Variants in CHSY3 observed in about 807,000 individuals in gnomAD.
CHSY3 encodes the protein chondroitin sulfate synthase 3.
A neutral mutation model predicts 67.2 loss-of-function variants in CHSY3; 35 were observed. That is an observed-to-expected ratio of 0.52 (90% CI 0.40 to 0.69). The LOEUF (loss-of-function observed/expected upper bound fraction) is 0.69, where lower values mean the gene tolerates loss of function less well. Among genes scored for constraint, CHSY3 ranks in the 30% least tolerant of loss-of-function variants. The pLI is 0.00. For missense variants in CHSY3, 1,069 were observed against 1,138.5 expected (o/e 0.94, Z 0.88); for synonymous variants, 474 against 434.7 (o/e 1.09, Z -1.12).
chr5:130,159,740 A>G (rs1769475808), intron 2 of CHSY3, among the ~76,000 whole-genome samples: 2 of 152,194 alleles, frequency 1.3e-5, no homozygotes, highest in Non-Finnish European at 2.9e-5. Flanking sequence ...GACTAGAGGT[A>G]TGATTGGTGA....
chr5:130,003,485 G>T (rs1207636835), intron 2 of CHSY3, among the ~76,000 whole-genome samples: 1 of 152,050 alleles, frequency 6.6e-6, no homozygotes, highest in Non-Finnish European at 1.5e-5. Context: ...CTCAAGTTAG[G>T]CTCAGTGAAA....
At chr5:129,995,030 T>C (rs1763493940) in intron 2 of CHSY3, among the ~76,000 whole-genome samples, 1 of 152,106 alleles carries the variant, frequency 6.6e-6, no homozygotes. Flanking sequence ...ACATGTAACC[T>C]AAAACTTAAA....
intron 2 of CHSY3, among the ~76,000 whole-genome samples, chr5:130,012,046 A>G (rs1764078368): frequency 6.6e-6 from 1 of 152,248 alleles, no homozygotes; most frequent in Non-Finnish European, 1.5e-5. Context: ...TAAAGTTTCA[A>G]TGCTCTTTGT....
At chr5:129,990,377 AGTGTGT>A (rs34958818) in intron 2 of CHSY3, among the ~76,000 whole-genome samples, 12 of 147,576 alleles carry the variant, frequency 8.1e-5, no homozygotes, top group Non-Finnish European at 1.2e-4. Flanking sequence ...TGAGTGAGTG[AGTGTGT>A]GTGTGTGTGT....
intron 2 of CHSY3, among the ~76,000 whole-genome samples, chr5:130,119,642 T>C (rs1767940948): frequency 6.6e-6 from 1 of 152,108 alleles, no homozygotes. Context: ...GCTTATATTC[T>C]TGACTCAGCA....
At chr5:130,026,602 C>A (rs1351333059) in intron 2 of CHSY3, among the ~76,000 whole-genome samples, 1 of 152,028 alleles carries the variant, frequency 6.6e-6, no homozygotes, top group African/African-American at 2.4e-5. Flanking sequence ...ATAAGAAAAT[C>A]ATGCTTACTT....
Position 130,185,693 on chromosome 5 carries a change from T to C in CHSY3, c.2551T>C (p.Leu851=), listed in dbSNP as rs990591299. 6.2e-7 allele frequency: 1 copy of C among 1,613,964 alleles called. No individual in the cohort carries two copies. Among genetic ancestry groups the C allele is most frequent in the Non-Finnish European group, 8.5e-7 (1 of 1,179,918 alleles). The change falls in exon 3 of 3, where the codon TTA becomes CTA. Residue 851 remains leucine, a synonymous_variant. Coordinates refer to ENST00000305031, the MANE Select transcript of CHSY3 (RefSeq NM_175856.5). The part of the protein sequence containing the change: ...NLDPKQYKMC[L]GSKASTFAST... ...GGACCCTAAGCAGTATAAGATGTGC[T>C]TAGGATCCAAGGCAAGTACTTTCGC...
At chr5:130,175,475 T>A (rs1211634723) in intron 2 of CHSY3, among the ~76,000 whole-genome samples, 3 of 152,064 alleles carry the variant, frequency 2.0e-5, no homozygotes, top group African/African-American at 7.2e-5. Context: ...CAAGCTACCA[T>A]TGACTTTCTT....
At chr5:130,177,998 T>C (rs1457650314) in intron 2 of CHSY3, among the ~76,000 whole-genome samples, 1 of 151,378 alleles carries the variant, frequency 6.6e-6, no homozygotes, top group Non-Finnish European at 1.5e-5. Context: ...TTTCCAACTC[T>C]TCTTTTGCAT....
chr5:130,061,060 C>G (rs1765696433), intron 2 of CHSY3, among the ~76,000 whole-genome samples: 1 of 151,962 alleles, frequency 6.6e-6, no homozygotes, highest in Admixed American at 6.6e-5. Flanking sequence ...GTATAAAAAA[C>G]TCCTAAAGTT....
intron 2 of CHSY3, among the ~76,000 whole-genome samples, chr5:130,073,038 T>C (rs895675260): frequency 6.6e-6 from 1 of 152,132 alleles, no homozygotes; most frequent in Non-Finnish European, 1.5e-5. Context: ...AAGGGAACAA[T>C]TCAGTTCAGT....
chr5:130,028,038 A>T (rs1319084461), intron 2 of CHSY3, among the ~76,000 whole-genome samples: 2 of 152,134 alleles, frequency 1.3e-5, no homozygotes. Context: ...ATCCTTGAGG[A>T]ATCACCACAC....
intron 2 of CHSY3, among the ~76,000 whole-genome samples, chr5:130,039,941 TG>T (rs1472230933): frequency 6.6e-6 from 1 of 152,284 alleles, no homozygotes; most frequent in African/African-American, 2.4e-5. Context: ...CAAGAGATTC[TG>T]GACGTGTGTC....
intron 2 of CHSY3, among the ~76,000 whole-genome samples, chr5:130,020,449 ATATATATATATATTTTTTTTT>A (rs1302197621): frequency 2.2e-4 from 3 of 13,364 alleles, no homozygotes; most frequent in East Asian, 9.3e-4. Context: ...ATATATATAT[ATATATATATATATTTTTTTTT>A]TTTTTTTTTC....
At position 130,138,555 on chromosome 5, in the gene CHSY3, A is replaced by G. The variant is rs1433163792; in HGVS notation, c.1087-45674A>G. ...GAAGGTTAGACAGAAAGCTGATACTAAAAGAATGGCAGACAGCCAAGACTG... is the reference window on the plus strand; with the variant it reads ...GAAGGTTAGACAGAAAGCTGATACTGAAAGAATGGCAGACAGCCAAGACTG... On this transcript the variant is annotated intron_variant, in intron 2 of 2. Coordinates refer to ENST00000305031, the MANE Select transcript of CHSY3 (RefSeq NM_175856.5). 2.0e-5 allele frequency among the ~76,000 whole-genome samples: 3 copies of G among 152,220 alleles called. No homozygotes were observed. In the East Asian group the frequency reaches 5.8e-4, roughly 29 times the overall value.
intron 2 of CHSY3, among the ~76,000 whole-genome samples, chr5:130,063,007 A>G (rs898467058): frequency 9.9e-5 from 15 of 152,110 alleles, no homozygotes; most frequent in African/African-American, 3.6e-4. Context: ...GGCTTCTTTT[A>G]GCATTCTTTT....
At chr5:130,101,474 C>A (rs114331607) in intron 2 of CHSY3, among the ~76,000 whole-genome samples, 1 of 151,864 alleles carries the variant, frequency 6.6e-6, no homozygotes, top group Non-Finnish European at 1.5e-5. Context: ...TTTTAAATGA[C>A]AAAAATTATA....
intron 2 of CHSY3, among the ~76,000 whole-genome samples, chr5:130,007,440 G>C (rs1763906427): frequency 6.6e-6 from 1 of 152,054 alleles, no homozygotes; most frequent in African/African-American, 2.4e-5. Context: ...CTCAGATCCT[G>C]GGTTGAAGGG....
At position 130,086,434 on chromosome 5, in the gene CHSY3, C is replaced by G. The variant is rs867345056; in HGVS notation, c.1087-97795C>G. Among the ~76,000 whole-genome samples the G allele has an allele frequency of 3.1e-3, 477 of 151,818 alleles. 3 individuals carry two copies. Among genetic ancestry groups the G allele is most frequent in the African/African-American group, 0.01 (421 of 41,304 alleles). On this transcript the variant is annotated intron_variant, in intron 2 of 2. Transcript: ENST00000305031. ...TTTATCAGAGACTAGGATTGCAACC[C>G]CTGCCTTTTTTTGTTTTCCATTTGC...
Sources: gnomAD v4.1 joint callset for allele counts (sites outside exome capture counted in the v4.1 genomes callset) on GRCh38, gnomAD v4.1.1 for gene constraint, MANE v1.5 for transcripts, NCBI Gene and HGNC (gene_info 2026-07-23, HGNC 2026-07-21) for gene names.